The following RASGRP1 variants were observed in gnomAD, a reference collection of about 807,000 sequenced individuals.
RASGRP1 encodes the protein RAS guanyl releasing protein 1, also known as RAS guanyl-releasing protein 1.
In RASGRP1, 37 loss-of-function variants were observed where a neutral mutation model predicts 95.1. The ratio of observed to expected loss-of-function variants is 0.39; its 90% CI spans 0.30 to 0.51. The LOEUF (loss-of-function observed/expected upper bound fraction) is 0.51. Among genes scored for constraint, RASGRP1 ranks in the 20% least tolerant of loss-of-function variants. The pLI, the probability that RASGRP1 is intolerant of heterozygous loss-of-function variation, is 0.80. For missense variants in RASGRP1, 711 were observed against 965.4 expected (o/e 0.74, Z 3.49); for synonymous variants, 325 against 353.4 (o/e 0.92, Z 0.90).
intron 3 of RASGRP1, among the ~76,000 whole-genome samples, 196 bp from the exon 4 acceptor site, chr15:38,519,567 CGAT>C (rs1259058904): frequency 4.6e-5 from 7 of 152,200 alleles, no homozygotes; most frequent in Non-Finnish European, 1.5e-5. Flanking sequence ...CCTAGAAAGG[CGAT>C]GATGGTAATT....
At chr15:38,542,967 A>G (rs1035154157) in intron 2 of RASGRP1, among the ~76,000 whole-genome samples, 11 of 148,868 alleles carry the variant, frequency 7.4e-5, no homozygotes, top group African/African-American at 2.7e-4. Context: ...ATACATATAT[A>G]TATTCCCCAA....
At position 38,505,836 on chromosome 15, in the gene RASGRP1, T is replaced by C; in HGVS notation, c.1323+4A>G. On this transcript the variant is annotated splice_donor_region_variant and intron_variant, in intron 10 of 16. Transcript: ENST00000310803. ...CATGTGGAGTCTTAATATGAAAAACTCACTGGAGCTCTGTGGTTCCTTGGT... is the reference window on the plus strand; with the variant it reads ...CATGTGGAGTCTTAATATGAAAAACCCACTGGAGCTCTGTGGTTCCTTGGT... The C allele has an allele frequency of 6.3e-7, 1 of 1,598,234 alleles. No homozygotes were observed. The highest frequency in any genetic ancestry group is 2.2e-5 in the East Asian group (1 of 44,710).
chr15:38,488,688 A>G lies in RASGRP1; in HGVS notation c.*1866T>C, dbSNP rs1322665141. ...ATGGAGAGGAGGAAGAATGAAAAAA[A>G]TTGTGTTCCATTACTGTTTTAAAAA... is the stretch of plus-strand genomic sequence containing the variant. On this transcript the variant is annotated 3_prime_UTR_variant, in exon 17 of 17. Coordinates refer to ENST00000310803, the MANE Select transcript of RASGRP1 (RefSeq NM_005739.4). 6.6e-6 allele frequency: 1 copy of G among 152,018 alleles called. No individual in the cohort carries two copies. Among genetic ancestry groups the G allele is most frequent in the East Asian group, 1.9e-4 (1 of 5,202 alleles). 9.4% of individuals were successfully genotyped at this position (152,018 alleles called of 1,614,324 possible). A position where few individuals can be genotyped will look rare whatever the true frequency, so the allele number is the denominator to read the frequency against.
chr15:38,525,411 T>C (rs1233537775), intron 3 of RASGRP1, among the ~76,000 whole-genome samples: 1 of 152,192 alleles, frequency 6.6e-6, no homozygotes, highest in African/African-American at 2.4e-5. Flanking sequence ...TAAAATTCTC[T>C]GCAGAAGAGG....
At chr15:38,524,603 A>G (rs1490416493) in intron 3 of RASGRP1, among the ~76,000 whole-genome samples, 1 of 152,208 alleles carries the variant, frequency 6.6e-6, no homozygotes, top group Admixed American at 6.5e-5. Context: ...GTGACATCAG[A>G]GGAAAGTTCG....
chr15:38,557,185 A>G (rs1470709035), intron 2 of RASGRP1, among the ~76,000 whole-genome samples: 2 of 152,164 alleles, frequency 1.3e-5, no homozygotes, highest in Admixed American at 1.3e-4. Flanking sequence ...ATATTTTGCT[A>G]TGGGCTTTTC....
chr15:38,496,741 G>A (rs1370315020), intron 15 of RASGRP1, among the ~76,000 whole-genome samples: 1 of 152,160 alleles, frequency 6.6e-6, no homozygotes, highest in Non-Finnish European at 1.5e-5. Flanking sequence ...TAGATAGTAA[G>A]GGGAAAGATT....
chr15:38,556,221 G>A lies in RASGRP1; in HGVS notation c.220+3600C>T, dbSNP rs148810004. ...ATGATCTCTGGTTAGAACAGAAGGC[G>A]GGAGTGGGTTGTTTCATGGTTAAAG... On this transcript the variant is annotated intron_variant, in intron 2 of 16. Coordinates refer to ENST00000310803, the MANE Select transcript of RASGRP1 (RefSeq NM_005739.4). Among the ~76,000 whole-genome samples, 6 of 152,322 alleles carry A rather than the reference G, an allele frequency of 3.9e-5. No individual in the cohort carries two copies. The East Asian group carries it at 5.8e-4, about 15-fold the overall frequency.
intron 8 of RASGRP1, 43 bp from the exon 9 acceptor site, chr15:38,508,044 T>C (rs762498075): frequency 7.7e-6 from 12 of 1,554,644 alleles, no homozygotes; most frequent in Non-Finnish European, 1.0e-5. Flanking sequence ...CGCTAGGCAG[T>C]GTGCATTGTC....
At chr15:38,521,002 C>T (rs983929711) in intron 3 of RASGRP1, among the ~76,000 whole-genome samples, 15 of 151,912 alleles carry the variant, frequency 9.9e-5, no homozygotes, top group African/African-American at 2.4e-5. Context: ...CAAAACAAAA[C>T]AAAAACCCAA....
intron 2 of RASGRP1, among the ~76,000 whole-genome samples, chr15:38,551,659 G>A (rs549207757): frequency 4.6e-5 from 7 of 151,884 alleles, no homozygotes; most frequent in Admixed American, 2.0e-4. Context: ...ACAAAAATCC[G>A]AAGTTTCTAT....
At chr15:38,506,598 G>A (rs955477932) in intron 9 of RASGRP1, among the ~76,000 whole-genome samples, 3 of 133,812 alleles carry the variant, frequency 2.2e-5, no homozygotes, top group South Asian at 2.4e-4. Flanking sequence ...TTGCACTACT[G>A]CACTCCAGTC....
At chr15:38,522,721 A>G (rs1223377997) in intron 3 of RASGRP1, among the ~76,000 whole-genome samples, 4 of 152,188 alleles carry the variant, frequency 2.6e-5, no homozygotes, top group African/African-American at 9.6e-5. Flanking sequence ...CATTACATCC[A>G]GTATATTGAG....
chr15:38,560,123 G>A (rs1282969092), intron 1 of RASGRP1, 118 bp from the exon 2 acceptor site: 34 of 931,956 alleles, frequency 3.6e-5, no homozygotes, highest in Admixed American at 6.3e-5. Context: ...GCTGATAGAA[G>A]CCATACCCCT....
intron 8 of RASGRP1, among the ~76,000 whole-genome samples, chr15:38,511,239 C>T (rs566448106): frequency 2.6e-5 from 4 of 152,256 alleles, no homozygotes; most frequent in East Asian, 3.9e-4. Context: ...TATGGTCAAC[C>T]GAACCACAAT....
intron 2 of RASGRP1, among the ~76,000 whole-genome samples, chr15:38,544,586 CTCTG>C (rs1893036040): frequency 2.0e-5 from 3 of 152,178 alleles, no homozygotes; most frequent in Admixed American, 1.3e-4. Flanking sequence ...CAAGCACTCT[CTCTG>C]TCTGTGTGAT....
intron 2 of RASGRP1, among the ~76,000 whole-genome samples, chr15:38,543,634 T>C (rs1294358705): frequency 5.6e-5 from 8 of 142,916 alleles, no homozygotes; most frequent in Non-Finnish European, 1.0e-4. Context: ...TGACCTTTCT[T>C]TTTTTCTTTT....
At position 38,494,725 on chromosome 15, in the gene RASGRP1, A is replaced by G; in HGVS notation, c.1916T>C (p.Val639Ala). The G allele has an allele frequency of 6.6e-7, 1 of 1,515,262 alleles. No homozygotes were observed. Among genetic ancestry groups the G allele is most frequent in the South Asian group, 1.4e-5 (1 of 73,626 alleles). The allele number at this position is 1,515,262 out of a possible 1,614,324, so 93.9% of individuals were successfully genotyped here. A position where few individuals can be genotyped will look rare whatever the true frequency, so the allele number is the denominator to read the frequency against. The change falls in exon 16 of 17, where the codon GTG becomes GCG. Residue 639 changes from valine (V) to alanine (A), a missense_variant. Physicochemically the swap from Val to Ala is moderately conservative, Grantham distance 64. Transcript: ENST00000310803. ...GPFTFPNGEA[V>A]EHGEESKDRT... Reference sequence around the variant, plus strand: ...ATCCTTACTCTCCTCACCATGTTCCACAGCCTCCCCATTAGGGAATGTAAA... The same window carrying G: ...ATCCTTACTCTCCTCACCATGTTCCGCAGCCTCCCCATTAGGGAATGTAAA...
At chr15:38,563,181 G>A (rs1392765451) in intron 1 of RASGRP1, among the ~76,000 whole-genome samples, 5 of 152,166 alleles carry the variant, frequency 3.3e-5, no homozygotes, top group Admixed American at 6.5e-5. Flanking sequence ...CTTTTCTGGT[G>A]AAATGGGAGT....
Sources: allele counts gnomAD v4.1 joint callset (sites outside exome capture counted in the v4.1 genomes callset), GRCh38; gene constraint gnomAD v4.1.1; transcripts MANE v1.5; gene names NCBI Gene and HGNC (gene_info 2026-07-23, HGNC 2026-07-21).